Variants in MEGF10 observed in about 807,000 individuals in gnomAD.
MEGF10 encodes the protein multiple EGF like domains 10.
A neutral mutation model predicts 147.5 loss-of-function variants in MEGF10; 86 were observed. The ratio of observed to expected loss-of-function variants is 0.58; its 90% CI spans 0.49 to 0.70. The LOEUF is 0.70. Ranked by LOEUF, MEGF10 falls within the 30% of genes least tolerant of loss-of-function variation. MEGF10 has a pLI of 0.00. For synonymous variants in MEGF10, 478 were observed against 525.5 expected (o/e 0.91, Z 1.24); for missense variants, 1,329 against 1,487.3 (o/e 0.89, Z 1.75).
rs1437728563 is a variant in MEGF10 at position 127,396,515 on chromosome 5, T to G, written c.413-17T>G. 1 of 1,512,670 alleles carries G rather than the reference T, an allele frequency of 6.6e-7. No homozygotes were observed. Among genetic ancestry groups the G allele is most frequent in the Non-Finnish European group, 8.9e-7 (1 of 1,127,896 alleles). 93.7% of individuals were successfully genotyped at this position (1,512,670 alleles called of 1,614,324 possible). A position where few individuals can be genotyped will look rare whatever the true frequency, so the allele number is the denominator to read the frequency against. On this transcript the variant is annotated splice_polypyrimidine_tract_variant and intron_variant, in intron 5 of 24. Coordinates refer to ENST00000503335, the MANE Select transcript of MEGF10 (RefSeq NM_001256545.2). ...CCCTTACCCACTGATATCCACTGTT[T>G]CTCTCCTCAATCTCAGCCTGCGATG...
chr5:127,291,918 C>T (rs1197879359), intron 1 of MEGF10, among the ~76,000 whole-genome samples: 1 of 152,130 alleles, frequency 6.6e-6, no homozygotes, highest in Non-Finnish European at 1.5e-5. Context: ...TCTTATTAGC[C>T]AAAATTAGCC....
intron 4 of MEGF10, among the ~76,000 whole-genome samples, chr5:127,362,118 A>C (rs569345720): frequency 6.6e-6 from 1 of 152,008 alleles, no homozygotes; most frequent in African/African-American, 2.4e-5. Context: ...TAGTTATTCA[A>C]ATCTCCTGCT....
intron 23 of MEGF10, 125 bp downstream of exon 23, chr5:127,454,735 TTAC>T (rs1766293419): frequency 1.3e-6 from 1 of 792,208 alleles, no homozygotes; most frequent in Admixed American, 2.9e-5. Flanking sequence ...GTGTGGTCAG[TTAC>T]TACAGCAAAC....
chr5:127,414,351 A>G (rs1023775030), intron 9 of MEGF10, among the ~76,000 whole-genome samples: 28 of 151,946 alleles, frequency 1.8e-4, no homozygotes, highest in African/African-American at 6.5e-4. Context: ...TTTCTCATTT[A>G]TAAAATGGGA....
At chr5:127,435,676 G>A (rs1765531784) in intron 16 of MEGF10, among the ~76,000 whole-genome samples, 187 bp downstream of exon 16, 1 of 150,746 alleles carries the variant, frequency 6.6e-6, no homozygotes. Context: ...CTATGCAATG[G>A]TCCTATGTTT....
intron 5 of MEGF10, 68 bp from the exon 6 acceptor site, chr5:127,396,464 C>G: frequency 2.0e-6 from 3 of 1,480,446 alleles, no homozygotes; most frequent in Non-Finnish European, 2.7e-6. Context: ...AGCCATTCTC[C>G]CCGAGAGGCG....
At chr5:127,303,819 T>C (rs1759887397) in intron 1 of MEGF10, among the ~76,000 whole-genome samples, 1 of 152,256 alleles carries the variant, frequency 6.6e-6, no homozygotes, top group East Asian at 1.9e-4. Context: ...ACTGAATGTA[T>C]GTCCATGAAA....
chr5:127,312,193 G>A (rs1760318381), intron 1 of MEGF10, among the ~76,000 whole-genome samples: 1 of 152,214 alleles, frequency 6.6e-6, no homozygotes, highest in African/African-American at 2.4e-5. Flanking sequence ...ATGGAAGTCA[G>A]AGCAAGCAGC....
chr5:127,353,184 T>G (rs1251789323), intron 4 of MEGF10, among the ~76,000 whole-genome samples: 3 of 152,182 alleles, frequency 2.0e-5, no homozygotes, highest in African/African-American at 7.2e-5. Context: ...TGTGAATGGC[T>G]TGACCTATGG....
In MEGF10 at chr5:127,419,173, C is replaced by T; in HGVS notation, c.1359C>T (p.Ser453=). Residue 453 remains serine, a synonymous_variant, in exon 11 of 25, where the codon TCC becomes TCT. Transcript: ENST00000503335. ...CPLGTYGINC[S]SRCGCKNDAV... is the part of the protein sequence containing the mutation. ...TGGGAACCTATGGGATAAACTGTTC[C>T]TCTCGCTGTGGCTGTAAAAATGATG... 2 of 1,614,186 alleles carry T rather than the reference C, an allele frequency of 1.2e-6. No homozygotes were observed. The highest frequency in any genetic ancestry group is 2.7e-5 in the African/African-American group (2 of 75,042).
intron 17 of MEGF10, among the ~76,000 whole-genome samples, chr5:127,440,032 T>C (rs895101993): frequency 2.6e-5 from 4 of 152,190 alleles, no homozygotes; most frequent in African/African-American, 9.6e-5. Flanking sequence ...TCAGCCTGCA[T>C]TGAATCTTTC....
chr5:127,336,703 ACT>A (rs1761484774), intron 2 of MEGF10, among the ~76,000 whole-genome samples: 3 of 152,054 alleles, frequency 2.0e-5, no homozygotes, highest in South Asian at 4.1e-4. Context: ...TTTTCTGGAA[ACT>A]CTGTATCAGG....
At chr5:127,234,675 A>G in the MEGF10 span, among the ~76,000 whole-genome samples, 1 of 152,196 alleles carries the variant, frequency 6.6e-6, no homozygotes, top group South Asian at 2.1e-4. Flanking sequence ...AATTGATTAT[A>G]TTTAGGGATT....
At position 127,339,107 on chromosome 5, in the gene MEGF10, C is replaced by A; in HGVS notation, c.117-13C>A. Reference sequence around the variant, plus strand: ...GAGAAATACTGATTTCTTATTTTTCCATTTCTTTTCAGCTACTCAGTGACT... The same window carrying A: ...GAGAAATACTGATTTCTTATTTTTCAATTTCTTTTCAGCTACTCAGTGACT... On this transcript the variant is annotated splice_polypyrimidine_tract_variant and intron_variant, in intron 2 of 24. Transcript: ENST00000503335. 6.6e-7 allele frequency: 1 copy of A among 1,519,750 alleles called. No homozygotes were observed. Among genetic ancestry groups the A allele is most frequent in the Non-Finnish European group, 9.0e-7 (1 of 1,109,760 alleles). 94.1% of individuals were successfully genotyped at this position (1,519,750 alleles called of 1,614,324 possible).
Position 127,441,434 on chromosome 5 carries a change from A to T in MEGF10, c.2362+567A>T, listed in dbSNP as rs186953004. ...AACATACTGCCTTAAAATTTTGTTTAAGTCCCACTGGGGGAGAATATGCCG... is the reference window on the plus strand; with the variant it reads ...AACATACTGCCTTAAAATTTTGTTTTAGTCCCACTGGGGGAGAATATGCCG... On this transcript the variant is annotated intron_variant, in intron 18 of 24. Coordinates refer to ENST00000503335, the MANE Select transcript of MEGF10 (RefSeq NM_001256545.2). Among the ~76,000 whole-genome samples the T allele has an allele frequency of 2.4e-3, 361 of 152,308 alleles. 2 individuals carry two copies. Among genetic ancestry groups the T allele is most frequent in the Middle Eastern group, 6.8e-3 (2 of 294 alleles).
At chr5:127,247,321 A>G in the MEGF10 span, among the ~76,000 whole-genome samples, 37 of 4,038 alleles carry the variant, frequency 9.2e-3, no homozygotes, top group Admixed American at 0.028. Context: ...AAAGAGAGAG[A>G]AGAAGAAGAA....
At chr5:127,324,307 A>G (rs1049921586) in intron 1 of MEGF10, among the ~76,000 whole-genome samples, 2 of 152,208 alleles carry the variant, frequency 1.3e-5, no homozygotes, top group Admixed American at 6.5e-5. Context: ...GGAAAAATAA[A>G]TATGATTTTA....
intron 4 of MEGF10, among the ~76,000 whole-genome samples, chr5:127,349,937 T>C (rs1246523431): frequency 6.6e-6 from 1 of 152,304 alleles, no homozygotes; most frequent in East Asian, 1.9e-4. Flanking sequence ...TTGAGATATG[T>C]AAATATTTTT....
At chr5:127,263,142 C>T in the MEGF10 span, among the ~76,000 whole-genome samples, 1 of 152,020 alleles carries the variant, frequency 6.6e-6, no homozygotes, top group Non-Finnish European at 1.5e-5. Flanking sequence ...CTATGGTAAG[C>T]TTTTAAAAGA....
Sources: gnomAD v4.1 joint callset for allele counts (sites outside exome capture counted in the v4.1 genomes callset) on GRCh38, gnomAD v4.1.1 for gene constraint, MANE v1.5 for transcripts, NCBI Gene and HGNC (gene_info 2026-07-23, HGNC 2026-07-21) for gene names.